The following DIAPH2 variants were observed in gnomAD, a reference collection of about 807,000 sequenced individuals.
DIAPH2 encodes diaphanous related formin 2, also known as protein diaphanous homolog 2.
Under a neutral mutation model 92.7 loss-of-function variants are expected in DIAPH2, and 35 were observed. That is an observed-to-expected ratio of 0.38 (90% CI 0.29 to 0.50). DIAPH2 has a LOEUF of 0.50. DIAPH2 is among the 20% of genes least tolerant of loss of function. The probability of loss-of-function intolerance (pLI) is 0.94; values close to 1 mark genes in which losing one functional copy is unlikely to be tolerated. For missense variants in DIAPH2, 701 were observed against 819.5 expected (o/e 0.86, Z 1.77); for synonymous variants, 301 against 280.4 (o/e 1.07, Z -0.73).
rs184506144 is a variant in DIAPH2, at chrX:97,211,903, C to G, written c.2720-35812C>G. 2.7e-4 allele frequency among the ~76,000 whole-genome samples: 30 copies of G among 111,511 alleles called. 1 individual carries two copies. Among genetic ancestry groups the G allele is most frequent in the East Asian group, 8.5e-4 (3 of 3,546 alleles). ...CAAATTTGCAACTTTGAAGATTGCC[C>G]TTGTGTACAGGGTTAATGTCAGATT... On this transcript the variant is annotated intron_variant, in intron 22 of 26. Transcript: ENST00000324765.
intron 21 of DIAPH2, among the ~76,000 whole-genome samples, chrX:97,140,284 G>A (rs775899357): frequency 9.0e-6 from 1 of 111,090 alleles, no homozygotes; most frequent in Non-Finnish European, 1.9e-5. Flanking sequence ...CCCAGGTAAA[G>A]ACCTCTCTTT....
intron 26 of DIAPH2, among the ~76,000 whole-genome samples, chrX:97,491,169 G>A (rs1034849059): frequency 4.5e-5 from 5 of 110,280 alleles, no homozygotes; most frequent in African/African-American, 1.6e-4. Context: ...GACCTTTTTC[G>A]CCTCTATGTC....
At chrX:96,765,079 T>C (rs1318442359) in intron 4 of DIAPH2, among the ~76,000 whole-genome samples, 3 of 111,285 alleles carry the variant, frequency 2.7e-5, no homozygotes, top group Non-Finnish European at 1.9e-5. Context: ...TTCTACACTG[T>C]TACCAGTTAT....
intron 23 of DIAPH2, among the ~76,000 whole-genome samples, chrX:97,322,900 G>GTTTT (rs2068910939): frequency 1.2e-5 from 1 of 86,884 alleles, no homozygotes. Flanking sequence ...GTTTATCCCA[G>GTTTT]TTCTTTTTTT....
intron 25 of DIAPH2, among the ~76,000 whole-genome samples, chrX:97,426,473 A>G (rs2070065573): frequency 9.1e-6 from 1 of 109,953 alleles, no homozygotes; most frequent in African/African-American, 3.3e-5. Context: ...TATTTTTAGT[A>G]GAATCGGGGT....
chrX:96,717,308 C>T (rs2063955429), intron 1 of DIAPH2, among the ~76,000 whole-genome samples: 2 of 110,956 alleles, frequency 1.8e-5, no homozygotes, highest in Admixed American at 9.7e-5. Flanking sequence ...TGTTCGGGGC[C>T]TCCATATCCC....
At chrX:97,252,207 G>A (rs1027544286) in intron 23 of DIAPH2, among the ~76,000 whole-genome samples, 1 of 111,587 alleles carries the variant, frequency 9.0e-6, no homozygotes, top group Non-Finnish European at 1.9e-5. Flanking sequence ...TTTGTCAATG[G>A]CAGGGTTTTC....
At chrX:96,750,265 T>C (rs755664978) in intron 3 of DIAPH2, among the ~76,000 whole-genome samples, 1 of 110,464 alleles carries the variant, frequency 9.1e-6, no homozygotes, top group South Asian at 3.9e-4. Context: ...TGACCTCAGG[T>C]GATCCGCCCG....
chrX:97,241,293 A>T (rs2068090949), intron 22 of DIAPH2, among the ~76,000 whole-genome samples: 1 of 110,392 alleles, frequency 9.1e-6, no homozygotes, highest in African/African-American at 3.3e-5. Context: ...TTAAGTAATG[A>T]CTAATTCTTT....
intron 26 of DIAPH2, among the ~76,000 whole-genome samples, chrX:97,451,303 G>A (rs1251355369): frequency 9.0e-6 from 1 of 111,457 alleles, no homozygotes; most frequent in Non-Finnish European, 1.9e-5. Flanking sequence ...TAGCTCAAAA[G>A]GCTCTGTGTG....
At chrX:97,542,417 AT>A (rs748941124) in intron 26 of DIAPH2, among the ~76,000 whole-genome samples, 14 of 112,191 alleles carry the variant, frequency 1.2e-4, no homozygotes, top group African/African-American at 4.2e-4. Context: ...ACACTAAAGT[AT>A]TTGTTTGGAG....
chrX:97,201,092 A>G (rs2067744237), intron 22 of DIAPH2, among the ~76,000 whole-genome samples: 2 of 108,326 alleles, frequency 1.8e-5, no homozygotes, highest in Admixed American at 2.0e-4. Flanking sequence ...CTGTTAGAAG[A>G]AAAACTAACA....
intron 4 of DIAPH2, among the ~76,000 whole-genome samples, chrX:96,780,362 A>T: frequency 8.9e-6 from 1 of 112,634 alleles, no homozygotes; most frequent in Non-Finnish European, 1.9e-5. Context: ...TGTCCATTTC[A>T]ATATGTAAAT....
intron 4 of DIAPH2, among the ~76,000 whole-genome samples, chrX:96,806,662 A>AAAAAAAAAAAAAAAAC (rs1273349100): frequency 9.5e-6 from 1 of 104,857 alleles, no homozygotes; most frequent in Admixed American, 1.0e-4. Flanking sequence ...AAAAAAAAAA[A>AAAAAAAAAAAAAAAAC]AAGAAACAAA....
chrX:97,177,134 A>G (rs2067498766), intron 22 of DIAPH2, among the ~76,000 whole-genome samples: 1 of 111,098 alleles, frequency 9.0e-6, no homozygotes, highest in Non-Finnish European at 1.9e-5. Context: ...ACCCATGGAT[A>G]TGGAGGGTGG....
intron 22 of DIAPH2, among the ~76,000 whole-genome samples, chrX:97,149,901 C>T (rs1258304535): frequency 9.0e-6 from 1 of 110,605 alleles, no homozygotes; most frequent in Admixed American, 9.7e-5. Flanking sequence ...GTCTGTAAGA[C>T]TTCTTTCTTC....
intron 21 of DIAPH2, among the ~76,000 whole-genome samples, chrX:97,118,784 G>A (rs192921159): frequency 8.9e-6 from 1 of 112,154 alleles, no homozygotes; most frequent in East Asian, 2.8e-4. Context: ...TGAAGGATAG[G>A]TAGGATTAAG....
intron 26 of DIAPH2, among the ~76,000 whole-genome samples, chrX:97,493,706 C>G (rs1428615147): frequency 1.9e-5 from 2 of 107,987 alleles, no homozygotes; most frequent in South Asian, 8.2e-4. Flanking sequence ...TGATGAGACA[C>G]CATCTCTACT....
At chrX:96,997,955 A>G (rs2066116095) in intron 17 of DIAPH2, among the ~76,000 whole-genome samples, 1 of 112,332 alleles carries the variant, frequency 8.9e-6, no homozygotes, top group Non-Finnish European at 1.9e-5. Context: ...TGTGTAAGGT[A>G]GGCAACCAGC....
Sources: gnomAD v4.1 joint callset for allele counts (sites outside exome capture counted in the v4.1 genomes callset) on GRCh38, gnomAD v4.1.1 for gene constraint, MANE v1.5 for transcripts, NCBI Gene and HGNC (gene_info 2026-07-23, HGNC 2026-07-21) for gene names.